CLOCK: variants seen among roughly 807,000 people sequenced by gnomAD.
CLOCK encodes circadian locomoter output cycles protein kaput.
Under a neutral mutation model 118.4 loss-of-function variants are expected in CLOCK, and 43 were observed. The ratio of observed to expected loss-of-function variants is 0.36; its 90% CI spans 0.28 to 0.47. CLOCK has a LOEUF of 0.47. CLOCK is among the 20% of genes least tolerant of loss of function. The pLI, the probability that CLOCK is intolerant of heterozygous loss-of-function variation, is 1.00. For missense variants in CLOCK, 846 were observed against 999.9 expected, an observed-to-expected ratio of 0.85 and a Z score of 2.08; for synonymous variants, 326 against 339.2, an observed-to-expected ratio of 0.96 and a Z score of 0.43.
At chr4:55,537,411 G>A (rs1052893113) in intron 1 of CLOCK, among the ~76,000 whole-genome samples, 1 of 152,100 alleles carries the variant, frequency 6.6e-6, no homozygotes, top group Non-Finnish European at 1.5e-5. Context: ...CTGAGCTCAG[G>A]AGTTGACGAC....
Position 55,453,837 on chromosome 4 carries a change from T to G in CLOCK, c.983-13A>C, listed in dbSNP as rs373539733. 1 of 1,569,972 alleles carries G rather than the reference T, an allele frequency of 6.4e-7. No individual in the cohort carries two copies. On this transcript the variant is annotated splice_polypyrimidine_tract_variant and intron_variant, in intron 13 of 22. Transcript: ENST00000513440. ...CCATATTGCATTACTAAAAGGAAAATAGAGAAATATTTTTTCTTTAATTCA... is the reference window on the plus strand; with the variant it reads ...CCATATTGCATTACTAAAAGGAAAAGAGAGAAATATTTTTTCTTTAATTCA...
At chr4:55,535,184 T>C (rs990449062) in intron 1 of CLOCK, among the ~76,000 whole-genome samples, 1 of 149,832 alleles carries the variant, frequency 6.7e-6, no homozygotes, top group Non-Finnish European at 1.5e-5. Context: ...TCTTTATCAG[T>C]ATAAAAAAAA....
At chr4:55,516,016 T>G (rs1729487022) in intron 1 of CLOCK, among the ~76,000 whole-genome samples, 2 of 152,242 alleles carry the variant, frequency 1.3e-5, no homozygotes, top group Non-Finnish European at 2.9e-5. Context: ...TTGGGGATTT[T>G]CCAGCTGTTA....
intron 2 of CLOCK, among the ~76,000 whole-genome samples, chr4:55,495,242 G>A (rs544140566): frequency 6.6e-6 from 1 of 151,768 alleles, no homozygotes; most frequent in Non-Finnish European, 1.5e-5. Context: ...AAATCCTTTC[G>A]CAGTGTCTTC....
At chr4:55,491,853 T>TA (rs1292234053) in intron 2 of CLOCK, among the ~76,000 whole-genome samples, 2 of 152,056 alleles carry the variant, frequency 1.3e-5, no homozygotes, top group African/African-American at 4.8e-5. Context: ...GTCAGAATGA[T>TA]AAAATAAAAA....
At chr4:55,470,083 TA>T (rs1193454960) in intron 8 of CLOCK, among the ~76,000 whole-genome samples, 1 of 152,186 alleles carries the variant, frequency 6.6e-6, no homozygotes, top group Non-Finnish European at 1.5e-5. Flanking sequence ...AAAACATTTT[TA>T]TATAAAGTAG....
chr4:55,515,466 C>T lies in CLOCK; in HGVS notation c.-289-5401G>A, dbSNP rs1037107185. 4.1e-4 allele frequency among the ~76,000 whole-genome samples: 63 copies of T among 152,170 alleles called. 1 individual carries two copies. The highest frequency in any genetic ancestry group is 1.3e-4 in the Admixed American group (2 of 15,288). On this transcript the variant is annotated intron_variant, in intron 1 of 22. Transcript: ENST00000513440. ...CTCGGCTCACTGCAGCCTCCGCCTC[C>T]CGGGTTCAAGCGATTCTCCTGCCTC... is the stretch of plus-strand genomic sequence containing the variant.
intron 2 of CLOCK, among the ~76,000 whole-genome samples, chr4:55,501,119 G>A (rs1728406322): frequency 6.6e-6 from 1 of 152,164 alleles, no homozygotes. Flanking sequence ...CTGCCAAAGT[G>A]TTTGGATTAC....
intron 21 of CLOCK, among the ~76,000 whole-genome samples, chr4:55,441,268 A>G (rs751545787): frequency 2.6e-5 from 4 of 152,210 alleles, no homozygotes; most frequent in Non-Finnish European, 5.9e-5. Flanking sequence ...TCAAAAAACA[A>G]TAATGTTGGC....
At position 55,530,845 on chromosome 4, in the gene CLOCK, C is replaced by T. The variant is rs916696745; in HGVS notation, c.-290+15937G>A. ...AGAATGCTATAAAAGAGGAAGATGT[C>T]GCATCTAAGAAACAGTAAATCTAAC... On this transcript the variant is annotated intron_variant, in intron 1 of 22. Transcript: ENST00000513440. 2.9e-5 allele frequency among the ~76,000 whole-genome samples: 4 copies of T among 136,482 alleles called. No homozygotes were observed. The East Asian group carries it at 6.4e-4, about 22-fold the overall frequency. The allele number at this position is 136,482 out of a possible 152,430, so 89.5% of individuals were successfully genotyped here.
chr4:55,484,508 A>C (rs1727156001), intron 3 of CLOCK, among the ~76,000 whole-genome samples: 1 of 152,240 alleles, frequency 6.6e-6, no homozygotes, highest in Non-Finnish European at 1.5e-5. Context: ...GAGGTAGAAG[A>C]GAATTTAAAG....
Position 55,432,546 on chromosome 4 carries a change from TTAAC to T in CLOCK, c.*2865_*2868del, listed in dbSNP as rs1722591730. 2.0e-5 allele frequency: 3 copies of T among 146,402 alleles called. No individual in the cohort carries two copies. The highest frequency in any genetic ancestry group is 2.0e-4 in the East Asian group (1 of 4,894). The allele number at this position is 146,402 out of a possible 1,614,324, so 9.1% of individuals were successfully genotyped here. A position where few individuals can be genotyped will look rare whatever the true frequency, so the allele number is the denominator to read the frequency against. Reference sequence around the variant, plus strand: ...CTTTAAATGCTATAGATTTGGGATTTTAACTAACAGCTTTGGCTATAGAAATGAA... The same window carrying T: ...CTTTAAATGCTATAGATTTGGGATTTTAACAGCTTTGGCTATAGAAATGAA... On this transcript the variant is annotated 3_prime_UTR_variant, in exon 23 of 23. Coordinates refer to ENST00000513440, the MANE Select transcript of CLOCK (RefSeq NM_004898.4).
chr4:55,482,873 G>GT (rs1258750406), intron 3 of CLOCK, 45 bp from the exon 4 acceptor site: 10 of 925,934 alleles, frequency 1.1e-5, no homozygotes, highest in Non-Finnish European at 1.5e-5. Flanking sequence ...TTCTAAAAAT[G>GT]TTACTTCCAC....
intron 1 of CLOCK, among the ~76,000 whole-genome samples, chr4:55,516,465 C>T (rs998268255): frequency 6.6e-6 from 1 of 152,262 alleles, no homozygotes; most frequent in Non-Finnish European, 1.5e-5. Flanking sequence ...CTCTTTATTC[C>T]GGATAACTTC....
At chr4:55,519,246 A>T (rs1729705440) in intron 1 of CLOCK, among the ~76,000 whole-genome samples, 1 of 152,138 alleles carries the variant, frequency 6.6e-6, no homozygotes, top group Non-Finnish European at 1.5e-5. Flanking sequence ...TTGTAAAGAC[A>T]AGGTCTCACT....
intron 17 of CLOCK, 92 bp from the exon 18 acceptor site, chr4:55,448,960 A>C: frequency 9.8e-7 from 1 of 1,024,534 alleles, no homozygotes; most frequent in South Asian, 1.3e-5. Flanking sequence ...TCGTATTAAT[A>C]AACTTACCAT....
intron 4 of CLOCK, among the ~76,000 whole-genome samples, chr4:55,480,413 T>A (rs1726838517): frequency 6.6e-6 from 1 of 152,162 alleles, no homozygotes; most frequent in Admixed American, 6.6e-5. Flanking sequence ...CACAGGTACA[T>A]GCCACCATGA....
intron 2 of CLOCK, among the ~76,000 whole-genome samples, chr4:55,509,271 A>C (rs568429512): frequency 6.6e-6 from 1 of 152,330 alleles, no homozygotes; most frequent in East Asian, 1.9e-4. Flanking sequence ...TATAGCCTAA[A>C]AGCAGTCATA....
intron 4 of CLOCK, among the ~76,000 whole-genome samples, chr4:55,480,672 C>T (rs1313155660): frequency 6.6e-6 from 1 of 152,090 alleles, no homozygotes; most frequent in Admixed American, 6.5e-5. Context: ...GGGCGGATCA[C>T]GAGGTCCAGG....
Sources: allele counts gnomAD v4.1 joint callset (sites outside exome capture counted in the v4.1 genomes callset), GRCh38; gene constraint gnomAD v4.1.1; transcripts MANE v1.5; gene names NCBI Gene and HGNC (gene_info 2026-07-23, HGNC 2026-07-21).